LRTM1: variants seen among roughly 807,000 people sequenced by gnomAD.
The protein encoded by LRTM1 is leucine rich repeat transmembrane protein 1.
Under a neutral mutation model 32.4 loss-of-function variants are expected in LRTM1, and 38 were observed. The observed-to-expected ratio is 1.17, with a 90% CI of 0.91 to 1.54. The LOEUF (loss-of-function observed/expected upper bound fraction) is 1.54. Ranked by LOEUF, LRTM1 falls within the 40% of genes most tolerant of loss-of-function variation. LRTM1 has a pLI of 0.00. For synonymous variants in LRTM1, 186 were observed against 169.9 expected (o/e 1.09, Z -0.74); for missense variants, 466 against 415.4 (o/e 1.12, Z -1.06).
rs777351450 is a variant in LRTM1, at chr3:54,918,541, T to A, written c.956A>T (p.Gln319Leu). ...YGCTYAAITA[Q>L]YHGGPLAQTN... The stretch of plus-strand genomic sequence containing the variant: ...TTGAGCCAAGGGTCCCCCATGGTAC[T>A]GGGCTGTGATTGCCGCATAGGTGCA... Residue 319 changes from glutamine (Q) to leucine (L), a missense_variant, in exon 3 of 3, where the codon CAG becomes CTG. Coordinates refer to ENST00000273286, the MANE Select transcript of LRTM1 (RefSeq NM_020678.4). 2.5e-6 allele frequency: 4 copies of A among 1,613,990 alleles called. No individual in the cohort carries two copies. The Admixed American group carries it at 5.0e-5, about 20-fold the overall frequency.
intron 1 of LRTM1, among the ~76,000 whole-genome samples, chr3:54,943,113 GAT>G (rs1701517760): frequency 6.6e-6 from 1 of 151,084 alleles, no homozygotes; most frequent in African/African-American, 2.4e-5. Flanking sequence ...GAGGCAAGAG[GAT>G]CACTTGAACC....
chr3:54,963,656 T>C (rs1702082714), intron 1 of LRTM1, among the ~76,000 whole-genome samples: 1 of 152,224 alleles, frequency 6.6e-6, no homozygotes, highest in Non-Finnish European at 1.5e-5. Flanking sequence ...GCAAATGGTC[T>C]ATGTGTTTTG....
At position 54,925,010 on chromosome 3, in the gene LRTM1, C is replaced by G. The variant is rs1295824960; in HGVS notation, c.213G>C (p.Arg71Ser). The change falls in exon 2 of 3, where the codon AGG (arginine) becomes AGC (serine). Residue 71 changes from arginine to serine, a missense_variant. By Grantham distance (110) the Arg-to-Ser change is moderately radical. Transcript: ENST00000273286. ...TTAAGGTCATGAGCCATGGCACTGA[C>G]CTAAATGCAAAAGCAGGAAGATGGT... ...QIHHLPAFAF[R>S]SVPWLMTLNL... 1 of 1,614,066 alleles carries G rather than the reference C, an allele frequency of 6.2e-7. No individual in the cohort carries two copies. The highest frequency in any genetic ancestry group is 2.2e-5 in the East Asian group (1 of 44,874).
At chr3:54,923,823 A>G (rs1700926928) in intron 2 of LRTM1, among the ~76,000 whole-genome samples, 1 of 152,204 alleles carries the variant, frequency 6.6e-6, no homozygotes, top group Non-Finnish European at 1.5e-5. Context: ...TCTGTTGCCC[A>G]TTGACAACAG....
intron 1 of LRTM1, among the ~76,000 whole-genome samples, chr3:54,946,829 A>T (rs1701626493): frequency 6.6e-6 from 1 of 152,112 alleles, no homozygotes; most frequent in African/African-American, 2.4e-5. Flanking sequence ...AAAAAAAAAA[A>T]AATGATGGGA....
chr3:54,954,853 A>C (rs556830714), intron 1 of LRTM1, among the ~76,000 whole-genome samples: 1 of 152,318 alleles, frequency 6.6e-6, no homozygotes, highest in East Asian at 1.9e-4. Flanking sequence ...AAGAAGAACA[A>C]CTGGGTTTCA....
intron 1 of LRTM1, among the ~76,000 whole-genome samples, chr3:54,940,699 GAA>G (rs1418389638): frequency 6.6e-6 from 1 of 152,200 alleles, no homozygotes; most frequent in African/African-American, 2.4e-5. Flanking sequence ...GCTGTTGTAT[GAA>G]AAGTCTTTGT....
chr3:54,930,160 G>A (rs951057595), upstream of LRTM1, among the ~76,000 whole-genome samples: 9 of 152,064 alleles, frequency 5.9e-5, no homozygotes, highest in African/African-American at 1.7e-4. Flanking sequence ...GGCATAGATC[G>A]GCCCACAGGC....
chr3:54,919,261 C>G (rs1435275549), intron 2 of LRTM1, among the ~76,000 whole-genome samples: 1 of 152,094 alleles, frequency 6.6e-6, no homozygotes, highest in Non-Finnish European at 1.5e-5. Context: ...CTAGTGAGCC[C>G]CACAGACAAG....
intron 1 of LRTM1, among the ~76,000 whole-genome samples, chr3:54,964,628 C>T (rs530992928): frequency 3.3e-5 from 5 of 152,040 alleles, no homozygotes; most frequent in Non-Finnish European, 5.9e-5. Flanking sequence ...CTGAAGTAGT[C>T]GTGTTTTCTC....
chr3:54,943,203 TA>T lies in LRTM1; in HGVS notation c.-221-17989del, dbSNP rs34708598. 7.6e-3 allele frequency among the ~76,000 whole-genome samples: 1,074 copies of T among 142,038 alleles called. 4 individuals carry two copies. The highest frequency in any genetic ancestry group is 0.011 in the Non-Finnish European group (693 of 65,462). The allele number at this position is 142,038 out of a possible 152,430, so 93.2% of individuals were successfully genotyped here. ...GGTAATAGCAACACGCTATCTCTGG[TA>T]AAAAAAAAAAAAATGAGAATAATAA... On this transcript the variant is annotated intron_variant, in intron 1 of 2. Coordinates refer to the LRTM1 transcript ENST00000493075.
At chr3:54,938,525 C>T (rs1234530234) in intron 1 of LRTM1, among the ~76,000 whole-genome samples, 2 of 152,054 alleles carry the variant, frequency 1.3e-5, no homozygotes, top group East Asian at 1.9e-4. Context: ...AGCCCAAATG[C>T]CCCTAAAGTA....
At chr3:54,939,998 C>G (rs894732682) in intron 1 of LRTM1, among the ~76,000 whole-genome samples, 1 of 152,158 alleles carries the variant, frequency 6.6e-6, no homozygotes, top group East Asian at 1.9e-4. Flanking sequence ...TCTAGGACTC[C>G]CATCTGAGCA....
At chr3:54,950,805 G>A (rs186360078) in intron 1 of LRTM1, among the ~76,000 whole-genome samples, 79 of 152,256 alleles carry the variant, frequency 5.2e-4, no homozygotes, top group African/African-American at 1.7e-3. Flanking sequence ...GGGAAGGGAC[G>A]CACAGAGGAA....
intron 1 of LRTM1, among the ~76,000 whole-genome samples, chr3:54,936,050 C>T (rs1244483451): frequency 6.6e-6 from 1 of 152,016 alleles, no homozygotes; most frequent in Non-Finnish European, 1.5e-5. Context: ...GGCTGTGTGG[C>T]CTTGAATGAG....
At chr3:54,945,050 G>A (rs2106997543) in intron 1 of LRTM1, among the ~76,000 whole-genome samples, 1 of 152,298 alleles carries the variant, frequency 6.6e-6, no homozygotes, top group East Asian at 1.9e-4. Context: ...GAAGATGACA[G>A]TAATTCTAGG....
chr3:54,918,321 C>CTTTTTT lies in LRTM1; in HGVS notation c.*132_*137dup, dbSNP rs60257399. On this transcript the variant is annotated 3_prime_UTR_variant, in exon 3 of 3. Transcript: ENST00000273286. ...CCAGAAATATTTTTTACAGACACAT[C>CTTTTTT]TTTTTTTTTTCTTTTTTTTTTTTTT... 9.9e-5 allele frequency: 39 copies of CTTTTTT among 394,430 alleles called. 1 individual carries two copies. Among genetic ancestry groups the CTTTTTT allele is most frequent in the African/African-American group, 8.8e-4 (30 of 34,136 alleles). 24.4% of individuals were successfully genotyped at this position (394,430 alleles called of 1,614,324 possible). A position where few individuals can be genotyped will look rare whatever the true frequency, so the allele number is the denominator to read the frequency against.
rs1252476192 is a variant in LRTM1 at position 54,918,837 on chromosome 3, G to A, written c.660C>T (p.Asp220=). The part of the protein sequence containing the change: ...CESPDTWKGK[D]LLRIPHELYQ... ...ACAGCTCATGAGGGATCCTAAGGAG[G>A]TCCTTTCCCTTCCAGGTGTCTGGTG... The change falls in exon 3 of 3, where the codon GAC becomes GAT. Residue 220 remains aspartate (D), a synonymous_variant. Coordinates refer to ENST00000273286, the MANE Select transcript of LRTM1 (RefSeq NM_020678.4). 2 of 1,587,864 alleles carry A rather than the reference G, an allele frequency of 1.3e-6. No homozygotes were observed. Among genetic ancestry groups the A allele is most frequent in the Non-Finnish European group, 1.7e-6 (2 of 1,164,098 alleles).
intron 1 of LRTM1, among the ~76,000 whole-genome samples, chr3:54,941,236 A>G (rs546155680): frequency 8.5e-5 from 13 of 152,334 alleles, no homozygotes; most frequent in Non-Finnish European, 1.3e-4. Context: ...AAAAGTAAAA[A>G]AACAGGGGCA....
Sources: gnomAD v4.1 joint callset for allele counts (sites outside exome capture counted in the v4.1 genomes callset) on GRCh38, gnomAD v4.1.1 for gene constraint, MANE v1.5 for transcripts, NCBI Gene and HGNC (gene_info 2026-07-23, HGNC 2026-07-21) for gene names.